The following SLC25A21 variants were observed in gnomAD, a reference collection of about 807,000 sequenced individuals.
SLC25A21 encodes the protein mitochondrial 2-oxodicarboxylate carrier.
SLC25A21 carries 47 observed loss-of-function variants against 43.8 expected under a neutral mutation model. The observed-to-expected ratio is 1.07, with a 90% CI of 0.85 to 1.37. The LOEUF is 1.37. Ranked by LOEUF, SLC25A21 falls within the 40% of genes most tolerant of loss-of-function variation. The pLI is 0.00. For missense variants in SLC25A21, 352 were observed against 350.2 expected (o/e 1.00, Z -0.04); for synonymous variants, 131 against 121.3 (o/e 1.08, Z -0.52).
At chr14:36,736,625 G>GAA (rs58319808) in intron 3 of SLC25A21, among the ~76,000 whole-genome samples, 13 of 148,926 alleles carry the variant, frequency 8.7e-5, no homozygotes, top group South Asian at 2.1e-4. Context: ...ATTATTGTAG[G>GAA]AAAAAAAAAA....
chr14:37,007,528 G>A (rs1321957445), intron 1 of SLC25A21, among the ~76,000 whole-genome samples: 1 of 151,678 alleles, frequency 6.6e-6, no homozygotes, highest in Non-Finnish European at 1.5e-5. Flanking sequence ...GCTTGAACCA[G>A]GGAGTTGGAG....
At chr14:36,948,424 C>A (rs1275487805) in intron 1 of SLC25A21, among the ~76,000 whole-genome samples, 1 of 152,096 alleles carries the variant, frequency 6.6e-6, no homozygotes, top group Non-Finnish European at 1.5e-5. Flanking sequence ...GCATAGCTAA[C>A]AAGTTTGCAC....
At chr14:36,971,550 G>A (rs1959749549) in intron 1 of SLC25A21, among the ~76,000 whole-genome samples, 1 of 151,960 alleles carries the variant, frequency 6.6e-6, no homozygotes, top group Non-Finnish European at 1.5e-5. Flanking sequence ...AGATAAACCA[G>A]ACACCACCTC....
chr14:36,922,365 A>G (rs861928), intron 1 of SLC25A21, among the ~76,000 whole-genome samples: 19,962 of 151,916 alleles, frequency 0.13, 2,650 homozygotes, highest in African/African-American at 0.33. Context: ...ATTGGAAGCA[A>G]TTTCTAAACT....
intron 2 of SLC25A21, among the ~76,000 whole-genome samples, chr14:36,827,422 A>T (rs905487527): frequency 2.0e-5 from 3 of 152,216 alleles, no homozygotes; most frequent in Non-Finnish European, 4.4e-5. Context: ...CATGTGCATT[A>T]GGTCAAATTC....
intron 1 of SLC25A21, among the ~76,000 whole-genome samples, chr14:37,152,524 C>T (rs1184138574): frequency 4.0e-5 from 6 of 151,858 alleles, no homozygotes; most frequent in African/African-American, 7.3e-5. Context: ...GGACTACAGG[C>T]GCCTGCCACC....
chr14:37,056,412 C>A (rs886566278), intron 1 of SLC25A21, among the ~76,000 whole-genome samples: 1 of 151,630 alleles, frequency 6.6e-6, no homozygotes, highest in Non-Finnish European at 1.5e-5. Context: ...ATGGCGTGAA[C>A]CCCGGGGGGC....
chr14:36,972,329 G>A (rs1402063198), intron 1 of SLC25A21, among the ~76,000 whole-genome samples: 7 of 152,126 alleles, frequency 4.6e-5, no homozygotes, highest in Non-Finnish European at 8.8e-5. Context: ...ATCATTAAGC[G>A]ATTCATGACT....
chr14:37,071,919 C>T (rs536620784), intron 1 of SLC25A21, among the ~76,000 whole-genome samples: 23 of 152,050 alleles, frequency 1.5e-4, no homozygotes, highest in Non-Finnish European at 2.6e-4. Flanking sequence ...CAGTGGCTCA[C>T]GTCTATAATC....
At chr14:36,692,462 G>A (rs1882831708) in intron 7 of SLC25A21, among the ~76,000 whole-genome samples, 1 of 152,190 alleles carries the variant, frequency 6.6e-6, no homozygotes. Context: ...GGCACTTGAG[G>A]AGATAAAATA....
At chr14:36,732,417 T>G (rs767948445) in intron 4 of SLC25A21, among the ~76,000 whole-genome samples, 1 of 152,112 alleles carries the variant, frequency 6.6e-6, no homozygotes, top group Non-Finnish European at 1.5e-5. Flanking sequence ...GTGCCGCCCA[T>G]CTGTGAGGGA....
chr14:37,172,579 C>CGGG lies in SLC25A21; in HGVS notation c.-230_-229insCCC. ...CGCAGCGCTCTCGCAGAGGCGCCCT[C>CGGG]GGCTCCGAAAATGTCTCTGGAAAGA... On this transcript the variant is annotated 5_prime_UTR_variant, in exon 1 of 10. Transcript: ENST00000331299. 2.9e-6 allele frequency: 2 copies of CGGG among 698,330 alleles called. No homozygotes were observed. Among genetic ancestry groups the CGGG allele is most frequent in the Non-Finnish European group, 5.2e-6 (2 of 382,538 alleles). 43.3% of individuals were successfully genotyped at this position (698,330 alleles called of 1,614,324 possible). A position where few individuals can be genotyped will look rare whatever the true frequency, so the allele number is the denominator to read the frequency against.
intron 1 of SLC25A21, among the ~76,000 whole-genome samples, chr14:37,019,857 T>TA (rs1278211681): frequency 6.6e-6 from 1 of 151,352 alleles, no homozygotes; most frequent in Non-Finnish European, 1.5e-5. Flanking sequence ...CAAGTTTTTT[T>TA]AAAAAAAGAG....
At chr14:36,843,197 C>A (rs1458617096) in intron 2 of SLC25A21, among the ~76,000 whole-genome samples, 1 of 152,150 alleles carries the variant, frequency 6.6e-6, no homozygotes, top group Non-Finnish European at 1.5e-5. Context: ...TTTGGGGACC[C>A]CTGAGTGAGG....
chr14:36,776,234 C>CTTTTTTTTTTTTTTTTTTTTTTTTTT (rs1397904925), intron 3 of SLC25A21, among the ~76,000 whole-genome samples: 7 of 75,760 alleles, frequency 9.2e-5, no homozygotes, highest in African/African-American at 4.0e-4. Flanking sequence ...TTCTTTCTTT[C>CTTTTTTTTTTTTTTTTTTTTTTTTTT]TTTCTTTTTT....
At chr14:37,005,199 T>TGCAAATGCACACACACACACAC (rs1960574171) in intron 1 of SLC25A21, among the ~76,000 whole-genome samples, 1 of 151,752 alleles carries the variant, frequency 6.6e-6, no homozygotes, top group Admixed American at 6.6e-5. Flanking sequence ...CACACACACA[T>TGCAAATGCACACACACACACAC]GCAAATGCAC....
intron 1 of SLC25A21, among the ~76,000 whole-genome samples, chr14:37,085,477 G>T (rs1328568419): frequency 6.6e-6 from 1 of 152,088 alleles, no homozygotes; most frequent in Admixed American, 6.5e-5. Context: ...TTTTATCTTT[G>T]TGCATAATTT....
chr14:36,904,127 G>C (rs1891470844), intron 1 of SLC25A21, among the ~76,000 whole-genome samples: 1 of 152,184 alleles, frequency 6.6e-6, no homozygotes, highest in Non-Finnish European at 1.5e-5. Flanking sequence ...ATAATTATAA[G>C]ATCCAAGAAA....
chr14:36,976,964 C>T (rs1323057075), intron 1 of SLC25A21, among the ~76,000 whole-genome samples: 1 of 152,192 alleles, frequency 6.6e-6, no homozygotes, highest in African/African-American at 2.4e-5. Context: ...TCAGCCCGAA[C>T]ACAGGTGTAC....
Sources: gnomAD v4.1 joint callset for allele counts (sites outside exome capture counted in the v4.1 genomes callset) on GRCh38, gnomAD v4.1.1 for gene constraint, MANE v1.5 for transcripts, NCBI Gene and HGNC (gene_info 2026-07-23, HGNC 2026-07-21) for gene names.